The following CCNA1 variants were observed in gnomAD, a reference collection of about 807,000 sequenced individuals.
CCNA1 encodes the protein cyclin A1.
Under a neutral mutation model 54.1 loss-of-function variants are expected in CCNA1, and 23 were observed. The ratio of observed to expected loss-of-function variants is 0.42; its 90% CI spans 0.31 to 0.60. The LOEUF is 0.60. Ranked by LOEUF, CCNA1 falls within the 20% of genes least tolerant of loss-of-function variation. CCNA1 has a pLI of 0.14. For synonymous variants in CCNA1, 208 were observed against 213.9 expected, an observed-to-expected ratio of 0.97 and a Z score of 0.24; for missense variants, 450 against 556.7, an observed-to-expected ratio of 0.81 and a Z score of 1.93.
intron 5 of CCNA1, 102 bp from the exon 6 acceptor site, chr13:36,439,877 A>T: frequency 1.4e-6 from 1 of 695,888 alleles, no homozygotes; most frequent in Non-Finnish European, 2.5e-6. Flanking sequence ...TGTGGCTGCA[A>T]AGTAAGTCTG....
In CCNA1 at chr13:36,440,097, G is replaced by C; in HGVS notation, c.1012G>C (p.Asp338His). The change falls in exon 6 of 9, where the codon GAT (aspartate) becomes CAT (histidine). Residue 338 changes from aspartate (D) to histidine (H), a missense_variant. Asp to His is a moderately conservative substitution (Grantham distance 81). This residue lies in a region of CCNA1 where 150 missense variants were observed against 219.7 expected (regional missense o/e 0.68). Transcript: ENST00000255465. ...CTTGCTTCTGAAAGTTCTAGCTTTT[G>C]ATCTGACAGTACCAACCACCAACCA... is the stretch of plus-strand genomic sequence containing the variant. 2 of 1,614,022 alleles carry C rather than the reference G, an allele frequency of 1.2e-6. No homozygotes were observed. Among genetic ancestry groups the C allele is most frequent in the Non-Finnish European group, 1.7e-6 (2 of 1,179,950 alleles).
In CCNA1 at chr13:36,441,167, T is replaced by A; in HGVS notation, c.1148T>A (p.Leu383His). 6.2e-7 allele frequency: 1 copy of A among 1,613,340 alleles called. No individual in the cohort carries two copies. Among genetic ancestry groups the A allele is most frequent in the South Asian group, 1.1e-5 (1 of 90,988 alleles). The change falls in exon 7 of 9, where the codon CTT becomes CAT. Residue 383 changes from leucine (L) to histidine (H), a missense_variant. Leu to His is a moderately conservative substitution (Grantham distance 99). Coordinates refer to ENST00000255465, the MANE Select transcript of CCNA1 (RefSeq NM_003914.4). The stretch of plus-strand genomic sequence containing the variant: ...GAAGCAGATCCATTCTTGAAATATC[T>A]TCCTTCACTGATAGCTGCAGCAGCT...
intron 3 of CCNA1, 38 bp from the exon 4 acceptor site, chr13:36,438,029 A>C: frequency 1.2e-6 from 2 of 1,603,326 alleles, no homozygotes; most frequent in South Asian, 1.1e-5. Context: ...CAAATGTTTA[A>C]ATTAAATGAG....
chr13:36,442,363 A>G, intron 8 of CCNA1, 59 bp downstream of exon 8: 2 of 1,542,202 alleles, frequency 1.3e-6, no homozygotes, highest in Non-Finnish European at 1.8e-6. Flanking sequence ...GGGTTATAGT[A>G]ATGGTTACTA....
Position 36,432,705 on chromosome 13 carries a change from G to A in CCNA1, c.84G>A (p.Pro28=), listed in dbSNP as rs1354214727. The change falls in exon 1 of 9, where the codon CCG becomes CCA. Residue 28 remains proline, a synonymous_variant. Transcript: ENST00000255465. The stretch of plus-strand genomic sequence containing the variant: ...AAGAGTATCTCAGCTGGGAAGGACC[G>A]GGGCTCCCAGATTTCGTCTTCCAGG... 3.1e-6 allele frequency: 5 copies of A among 1,611,368 alleles called. No homozygotes were observed. In the Admixed American group the frequency reaches 5.0e-5, roughly 16 times the overall value.
upstream of CCNA1, chr13:36,431,830 G>GCCGCAGCCT (rs1358164067): frequency 6.5e-6 from 1 of 152,740 alleles, no homozygotes; most frequent in Non-Finnish European, 1.5e-5. Flanking sequence ...TGGGCAGGGC[G>GCCGCAGCCT]CCGCAGCCTG....
chr13:36,437,520 G>T, intron 2 of CCNA1, 109 bp from the exon 3 acceptor site: 1 of 1,066,076 alleles, frequency 9.4e-7, no homozygotes, highest in Non-Finnish European at 1.4e-6. Flanking sequence ...AGATTTTTCA[G>T]TTTAGAATGT....
At position 36,440,122 on chromosome 13, in the gene CCNA1, A is replaced by G. The variant is rs1386172023; in HGVS notation, c.1037A>G (p.Gln346Arg). The stretch of plus-strand genomic sequence containing the variant: ...GATCTGACAGTACCAACCACCAACC[A>G]GTTTCTCCTTCAGTACTTGAGGCGA... The change falls in exon 6 of 9, where the codon CAG becomes CGG. Residue 346 changes from glutamine to arginine, a missense_variant. Transcript: ENST00000255465. 3 of 1,614,014 alleles carry G rather than the reference A, an allele frequency of 1.9e-6. No individual in the cohort carries two copies. The highest frequency in any genetic ancestry group is 2.7e-5 in the African/African-American group (2 of 74,928).
chr13:36,442,326 A>C (rs373764745), intron 8 of CCNA1, 22 bp downstream of exon 8: 29 of 1,610,864 alleles, frequency 1.8e-5, no homozygotes, highest in Non-Finnish European at 2.4e-5. Context: ...ACATTTTCAT[A>C]TCTTAGCTCT....
intron 6 of CCNA1, among the ~76,000 whole-genome samples, chr13:36,440,387 C>T (rs914531413): frequency 3.3e-5 from 5 of 152,152 alleles, no homozygotes; most frequent in African/African-American, 4.8e-5. Context: ...TTGGCAGGCA[C>T]GGGTTGTCTA....
intron 5 of CCNA1, among the ~76,000 whole-genome samples, chr13:36,439,294 C>T (rs764094288): frequency 1.3e-5 from 2 of 152,200 alleles, no homozygotes; most frequent in Non-Finnish European, 2.9e-5. Flanking sequence ...GTTCCTGTTA[C>T]TATCATTCAT....
rs1257620845 is a variant in CCNA1, at chr13:36,438,845, A to G, written c.871A>G (p.Thr291Ala). The G allele has an allele frequency of 1.2e-6, 2 of 1,613,922 alleles. No individual in the cohort carries two copies. The highest frequency in any genetic ancestry group is 4.5e-5 in the East Asian group (2 of 44,870). Residue 291 changes from threonine (T) to alanine (A), a missense_variant, in exon 5 of 9, where the codon ACA (threonine) becomes GCA (alanine). Thr to Ala is a moderately conservative substitution (Grantham distance 58). Around this residue, in one of 6 missense-constraint regions of CCNA1, gnomAD observed 150 missense variants for 219.7 expected, o/e 0.68. Transcript: ENST00000255465. ...GAGAGGGAAACTGCAGCTCGTAGGA[A>G]CAGCAGCTATGCTTTTGGCTTCGTA...
chr13:36,437,025 T>C (rs574242434), intron 2 of CCNA1, among the ~76,000 whole-genome samples: 8 of 152,228 alleles, frequency 5.3e-5, no homozygotes, highest in African/African-American at 1.2e-4. Context: ...GTTATAAGAA[T>C]AGAGAAAAAG....
At position 36,438,697 on chromosome 13, in the gene CCNA1, A is replaced by T. The variant is rs1480071076; in HGVS notation, c.723A>T (p.Glu241Asp). The change falls in exon 5 of 9, where the codon GAA becomes GAT. Residue 241 changes from glutamate (E) to aspartate (D), a missense_variant. Transcript: ENST00000255465. ...TGAAGAAGCAGCCAGACATCACGGA[A>T]GGCATGCGCACGATTCTGGTGGACT... 1 of 1,614,020 alleles carries T rather than the reference A, an allele frequency of 6.2e-7. No homozygotes were observed. The highest frequency in any genetic ancestry group is 8.5e-7 in the Non-Finnish European group (1 of 1,180,020).
rs1566171964 is a variant in CCNA1 at position 36,438,014 on chromosome 13, T to C, written c.545-53T>C. ...CAACTGCCTGTAGAGGGTTAGTGGA[T>C]TGAACAAATGTTTAAATTAAATGAG... is the stretch of plus-strand genomic sequence containing the variant. On this transcript the variant is annotated intron_variant, in intron 3 of 8. Transcript: ENST00000255465. 9.4e-6 allele frequency: 15 copies of C among 1,596,518 alleles called. No individual in the cohort carries two copies. The South Asian group carries it at 1.6e-4, about 17-fold the overall frequency.
Position 36,437,612 on chromosome 13 carries a change from ATTTAAACGT to A in CCNA1, c.298-13_298-5del. On this transcript the variant is annotated splice_region_variant and splice_polypyrimidine_tract_variant and intron_variant, in intron 2 of 8. Coordinates refer to ENST00000255465, the MANE Select transcript of CCNA1 (RefSeq NM_003914.4). The stretch of plus-strand genomic sequence containing the variant: ...TCTTTGACGTGGCCTCTAACAAAAG[ATTTAAACGT>A]TTTTTAGGGGATCACAAGAATCAGG... 1 of 1,612,546 alleles carries A rather than the reference ATTTAAACGT, an allele frequency of 6.2e-7. No homozygotes were observed. Among genetic ancestry groups the A allele is most frequent in the Non-Finnish European group, 8.5e-7 (1 of 1,179,292 alleles).
Position 36,442,786 on chromosome 13 carries a change from T to G in CCNA1, c.*121T>G. ...TACAATATAGATGACATTTTAAAAA[T>G]GTAAATGAATTTAGTTTCCCTTAGA... On this transcript the variant is annotated 3_prime_UTR_variant, in exon 9 of 9. Coordinates refer to ENST00000255465, the MANE Select transcript of CCNA1 (RefSeq NM_003914.4). The G allele has an allele frequency of 1.2e-6, 1 of 808,756 alleles. No individual in the cohort carries two copies. Among genetic ancestry groups the G allele is most frequent in the Non-Finnish European group, 2.0e-6 (1 of 493,282 alleles). The allele number at this position is 808,756 out of a possible 1,614,324, so 50.1% of individuals were successfully genotyped here.
chr13:36,442,323 C>G lies in CCNA1; in HGVS notation c.1346+19C>G, dbSNP rs780297102. 3.2e-5 allele frequency: 51 copies of G among 1,611,742 alleles called. No homozygotes were observed. The highest frequency in any genetic ancestry group is 4.2e-5 in the Non-Finnish European group (50 of 1,178,164). ...CTTCAAAGTAAGTCACTGACATTTT[C>G]ATATCTTAGCTCTCTATTTAAAGCT... is the stretch of plus-strand genomic sequence containing the variant. On this transcript the variant is annotated intron_variant, in intron 8 of 8. Transcript: ENST00000255465.
intron 7 of CCNA1, 36 bp downstream of exon 7, chr13:36,441,267 G>A (rs114854781): frequency 1.5e-6 from 2 of 1,316,266 alleles, no homozygotes; most frequent in Non-Finnish European, 2.2e-6. Flanking sequence ...GAAATTCAAG[G>A]TCTATCTAGA....
Sources: allele counts gnomAD v4.1 joint callset (sites outside exome capture counted in the v4.1 genomes callset), GRCh38; gene constraint gnomAD v4.1.1; regional missense constraint gnomAD v4.1.1; transcripts MANE v1.5; gene names NCBI Gene and HGNC (gene_info 2026-07-23, HGNC 2026-07-21).